Variants in MTREX observed in about 807,000 individuals in gnomAD.
MTREX encodes Mtr4 exosome RNA helicase, also known as exosome RNA helicase MTR4.
MTREX carries 76 observed loss-of-function variants against 135.4 expected under a neutral mutation model. The observed-to-expected ratio is 0.56, with a 90% CI of 0.47 to 0.68. The LOEUF (loss-of-function observed/expected upper bound fraction) is 0.68, where lower values mean the gene tolerates loss of function less well. MTREX is among the 30% of genes least tolerant of loss of function. The probability of loss-of-function intolerance (pLI) is 0.00; values close to 1 mark genes in which losing one functional copy is unlikely to be tolerated. For synonymous variants in MTREX, 404 were observed against 401.6 expected (o/e 1.01, Z -0.07); for missense variants, 920 against 1,262.1 (o/e 0.73, Z 4.11).
chr5:55,397,947 G>A (rs149252581), intron 20 of MTREX, among the ~76,000 whole-genome samples: 6 of 152,276 alleles, frequency 3.9e-5, no homozygotes, highest in Non-Finnish European at 7.4e-5. Context: ...GAAAAAAGGT[G>A]CAGTGGTTCA....
chr5:55,329,588 T>C (rs903418568), intron 5 of MTREX, among the ~76,000 whole-genome samples: 1 of 152,202 alleles, frequency 6.6e-6, no homozygotes, highest in Non-Finnish European at 1.5e-5. Context: ...AGCAGTTTAT[T>C]GTAGTGCAGT....
chr5:55,334,198 T>C (rs1749518404), intron 5 of MTREX, among the ~76,000 whole-genome samples: 1 of 152,072 alleles, frequency 6.6e-6, no homozygotes, highest in Admixed American at 6.5e-5. Flanking sequence ...AACTGCTTAG[T>C]GAGTACAGAG....
chr5:55,402,214 G>C (rs1227163522), intron 21 of MTREX, among the ~76,000 whole-genome samples: 2 of 152,190 alleles, frequency 1.3e-5, no homozygotes, highest in Non-Finnish European at 2.9e-5. Flanking sequence ...TCTATGCTCT[G>C]ACCCACCTTC....
chr5:55,423,146 A>AC, intron 26 of MTREX, 164 bp downstream of exon 26: 1 of 604,232 alleles, frequency 1.7e-6, no homozygotes, highest in South Asian at 2.1e-5. Flanking sequence ...GTTGGGGGAA[A>AC]AGTTGAGATT....
At chr5:55,403,438 C>A (rs1750755050) in intron 21 of MTREX, among the ~76,000 whole-genome samples, 1 of 152,112 alleles carries the variant, frequency 6.6e-6, no homozygotes, top group Non-Finnish European at 1.5e-5. Context: ...AAAGAAAAAA[C>A]CAGTGGCATT....
At chr5:55,308,660 A>C (rs953281732) in intron 1 of MTREX, among the ~76,000 whole-genome samples, 10 of 152,122 alleles carry the variant, frequency 6.6e-5, no homozygotes, top group African/African-American at 2.4e-4. Flanking sequence ...TACACGTGTA[A>C]AGTGCCTAAC....
At chr5:55,409,754 T>G (rs190809572) in intron 22 of MTREX, among the ~76,000 whole-genome samples, 2 of 152,366 alleles carry the variant, frequency 1.3e-5, no homozygotes, top group African/African-American at 4.8e-5. Context: ...AGTGATGAGC[T>G]AGTACCTACC....
At chr5:55,314,829 A>G (rs1323870690) in intron 1 of MTREX, among the ~76,000 whole-genome samples, 1 of 152,190 alleles carries the variant, frequency 6.6e-6, no homozygotes, top group Non-Finnish European at 1.5e-5. Flanking sequence ...TTAGATCCTT[A>G]GGCATTAGAT....
At chr5:55,417,219 A>G (rs1380753021) in intron 25 of MTREX, among the ~76,000 whole-genome samples, 1 of 152,154 alleles carries the variant, frequency 6.6e-6, no homozygotes, top group Non-Finnish European at 1.5e-5. Flanking sequence ...TGAATTCTGT[A>G]TTCTGTTACT....
intron 11 of MTREX, 36 bp from the exon 12 acceptor site, chr5:55,349,537 A>T (rs779645593): frequency 8.8e-7 from 1 of 1,136,442 alleles, no homozygotes; most frequent in South Asian, 1.3e-5. Context: ...TCACTAACTC[A>T]TTTTGATATT....
At chr5:55,336,515 A>T (rs1261849500) in intron 5 of MTREX, among the ~76,000 whole-genome samples, 1 of 152,160 alleles carries the variant, frequency 6.6e-6, no homozygotes, top group Non-Finnish European at 1.5e-5. Context: ...TTATTCTCTT[A>T]GTGTACTATA....
intron 16 of MTREX, among the ~76,000 whole-genome samples, chr5:55,370,404 C>G (rs565329956): frequency 1.3e-5 from 2 of 152,088 alleles, no homozygotes; most frequent in Non-Finnish European, 2.9e-5. Context: ...TTCACAGTCC[C>G]CAGCTTTTGT....
intron 21 of MTREX, among the ~76,000 whole-genome samples, chr5:55,404,760 A>C (rs1579897267): frequency 6.9e-6 from 1 of 145,064 alleles, no homozygotes; most frequent in African/African-American, 2.6e-5. Context: ...CTTCCTCCTT[A>C]CCTCTCTCCA....
intron 4 of MTREX, among the ~76,000 whole-genome samples, chr5:55,328,401 C>G (rs2112039664): frequency 6.6e-6 from 1 of 152,094 alleles, no homozygotes; most frequent in Non-Finnish European, 1.5e-5. Flanking sequence ...TTACACAGTG[C>G]CTGGCCACAG....
In MTREX at chr5:55,316,550, T is replaced by A. The variant is rs141512945; in HGVS notation, c.135-5777T>A. Among the ~76,000 whole-genome samples, 1,130 of 152,300 alleles carry A rather than the reference T, an allele frequency of 7.4e-3. 7 individuals are homozygous for A. Among genetic ancestry groups the A allele is most frequent in the Non-Finnish European group, 0.013 (897 of 68,026 alleles). On this transcript the variant is annotated intron_variant, in intron 1 of 26. Coordinates refer to ENST00000230640, the MANE Select transcript of MTREX (RefSeq NM_015360.5). Reference sequence around the variant, plus strand: ...ACAAAAAACCACATGATTATTTCAATACATGCAGAAAAGGCCTTCGATAAA... The same window carrying A: ...ACAAAAAACCACATGATTATTTCAAAACATGCAGAAAAGGCCTTCGATAAA...
chr5:55,340,607 A>G (rs373249133), intron 6 of MTREX, among the ~76,000 whole-genome samples: 8 of 152,184 alleles, frequency 5.3e-5, no homozygotes, highest in African/African-American at 1.9e-4. Flanking sequence ...TTTGAGATGG[A>G]GTCTCGTTCT....
intron 20 of MTREX, 69 bp downstream of exon 20, chr5:55,397,595 C>T (rs1031323226): frequency 3.2e-6 from 3 of 930,102 alleles, no homozygotes; most frequent in Non-Finnish European, 4.9e-6. Context: ...AAAGAGGCAA[C>T]TGAAATGCTT....
chr5:55,395,996 TATC>T (rs949680176), intron 19 of MTREX, among the ~76,000 whole-genome samples: 3 of 152,228 alleles, frequency 2.0e-5, no homozygotes, highest in Non-Finnish European at 2.9e-5. Context: ...GATTAGATGA[TATC>T]ATTGTCTCGA....
chr5:55,361,611 C>T (rs183624073), intron 15 of MTREX, among the ~76,000 whole-genome samples: 16 of 151,932 alleles, frequency 1.1e-4, no homozygotes, highest in Non-Finnish European at 1.8e-4. Flanking sequence ...CCTGCCGCCA[C>T]ACCCAGCTAA....
Sources: gnomAD v4.1 joint callset for allele counts (sites outside exome capture counted in the v4.1 genomes callset) on GRCh38, gnomAD v4.1.1 for gene constraint, MANE v1.5 for transcripts, NCBI Gene and HGNC (gene_info 2026-07-23, HGNC 2026-07-21) for gene names.